Variants in SH3RF3 observed in about 807,000 individuals in gnomAD.
The protein encoded by SH3RF3 is SH3 domain containing ring finger 3.
Under a neutral mutation model 66.3 loss-of-function variants are expected in SH3RF3, and 29 were observed. That is an observed-to-expected ratio of 0.44 (90% CI 0.33 to 0.60). The LOEUF is 0.60. Among genes scored for constraint, SH3RF3 ranks in the 20% least tolerant of loss-of-function variants. The probability of loss-of-function intolerance (pLI) is 0.04; values close to 1 mark genes in which losing one functional copy is unlikely to be tolerated. For missense variants in SH3RF3, 1,194 were observed against 1,190.9 expected, an observed-to-expected ratio of 1.00 and a Z score of -0.04; for synonymous variants, 583 against 532.0, an observed-to-expected ratio of 1.10 and a Z score of -1.32.
At chr2:109,499,771 A>T (rs907970041) in intron 9 of SH3RF3, among the ~76,000 whole-genome samples, 2 of 151,788 alleles carry the variant, frequency 1.3e-5, no homozygotes, top group African/African-American at 4.8e-5. Context: ...GTGTGTGTGT[A>T]TGTGTGTGTG....
intron 7 of SH3RF3, among the ~76,000 whole-genome samples, chr2:109,444,021 A>AG (rs1337089170): frequency 6.6e-6 from 1 of 152,226 alleles, no homozygotes; most frequent in Non-Finnish European, 1.5e-5. Context: ...GCACATTTAA[A>AG]GGGATTCAAG....
At chr2:109,248,222 A>G (rs1679967592) in intron 1 of SH3RF3, among the ~76,000 whole-genome samples, 2 of 152,236 alleles carry the variant, frequency 1.3e-5, no homozygotes. Context: ...ATTCAGATGA[A>G]TAGGAGTTCT....
chr2:109,172,565 G>A (rs577340238), intron 1 of SH3RF3, among the ~76,000 whole-genome samples: 3 of 152,286 alleles, frequency 2.0e-5, no homozygotes, highest in Non-Finnish European at 4.4e-5. Flanking sequence ...ATTCCAAACA[G>A]TGTGGATTAT....
chr2:109,268,672 C>T (rs1183144800), intron 1 of SH3RF3, among the ~76,000 whole-genome samples: 9 of 152,198 alleles, frequency 5.9e-5, no homozygotes, highest in African/African-American at 2.2e-4. Flanking sequence ...TGAGTTCCTA[C>T]ACAATCACTC....
At position 109,357,562 on chromosome 2, in the gene SH3RF3, C is replaced by T. The variant is rs114979143; in HGVS notation, c.849+9613C>T. Among the ~76,000 whole-genome samples the T allele has an allele frequency of 4.9e-3, 748 of 152,318 alleles. 5 individuals are homozygous for T. Among genetic ancestry groups the T allele is most frequent in the African/African-American group, 0.017 (687 of 41,560 alleles). ...CTGACAGTTACCAGCCCGCCCTTCC[C>T]GCATGTCTACTAACACTACAGATGA... On this transcript the variant is annotated intron_variant, in intron 2 of 9. Coordinates refer to ENST00000309415, the MANE Select transcript of SH3RF3 (RefSeq NM_001099289.3).
chr2:109,432,375 C>T, intron 5 of SH3RF3, 126 bp from the exon 6 acceptor site: 1 of 1,207,262 alleles, frequency 8.3e-7, no homozygotes, highest in African/African-American at 1.5e-5. Flanking sequence ...CTGCAGAGCC[C>T]CCATAGACTC....
At chr2:109,499,754 C>A (rs920803986) in intron 9 of SH3RF3, among the ~76,000 whole-genome samples, 2 of 152,166 alleles carry the variant, frequency 1.3e-5, no homozygotes, top group Non-Finnish European at 2.9e-5. Context: ...GATAGCAGAG[C>A]AGGGGGGTGT....
chr2:109,422,425 C>T (rs979144571), intron 5 of SH3RF3, among the ~76,000 whole-genome samples: 6 of 152,194 alleles, frequency 3.9e-5, no homozygotes, highest in African/African-American at 9.7e-5. Flanking sequence ...GTCAGTGTGT[C>T]GATGGCTGGA....
intron 1 of SH3RF3, among the ~76,000 whole-genome samples, chr2:109,342,722 T>C (rs1341093220): frequency 6.6e-6 from 1 of 152,218 alleles, no homozygotes; most frequent in Non-Finnish European, 1.5e-5. Context: ...TAGAGCCTGC[T>C]GCCACATGCC....
chr2:109,437,225 C>A (rs979273007), intron 7 of SH3RF3, 79 bp downstream of exon 7: 4 of 1,503,658 alleles, frequency 2.7e-6, no homozygotes, highest in Non-Finnish European at 3.6e-6. Flanking sequence ...ACATCTTGGC[C>A]CAAGGCTCCA....
At chr2:109,216,469 G>T (rs1383001000) in intron 1 of SH3RF3, among the ~76,000 whole-genome samples, 1 of 152,212 alleles carries the variant, frequency 6.6e-6, no homozygotes, top group African/African-American at 2.4e-5. Flanking sequence ...GCGGTGCAGG[G>T]CTTATCCATG....
intron 8 of SH3RF3, among the ~76,000 whole-genome samples, chr2:109,459,848 A>G (rs540985358): frequency 1.3e-5 from 2 of 152,214 alleles, no homozygotes; most frequent in Non-Finnish European, 2.9e-5. Context: ...ACTAGGGGTC[A>G]TAATAAGTGG....
chr2:109,442,292 C>T (rs890869766), intron 7 of SH3RF3, among the ~76,000 whole-genome samples: 12 of 141,348 alleles, frequency 8.5e-5, no homozygotes, highest in East Asian at 2.0e-4. Context: ...GCCTGGGCAA[C>T]GGAGTGAGAC....
intron 8 of SH3RF3, among the ~76,000 whole-genome samples, chr2:109,479,758 A>G (rs891360758): frequency 4.6e-5 from 7 of 152,218 alleles, no homozygotes; most frequent in South Asian, 2.1e-4. Flanking sequence ...CTAAAAGCCA[A>G]TTATCCACAC....
intron 2 of SH3RF3, among the ~76,000 whole-genome samples, chr2:109,364,189 T>A (rs1683111879): frequency 6.6e-6 from 1 of 151,984 alleles, no homozygotes; most frequent in Non-Finnish European, 1.5e-5. Flanking sequence ...TTTTTTTCTG[T>A]TTGCTTTTCC....
chr2:109,336,178 A>C (rs926373075), intron 1 of SH3RF3, among the ~76,000 whole-genome samples: 8 of 152,232 alleles, frequency 5.3e-5, no homozygotes, highest in Non-Finnish European at 8.8e-5. Context: ...TGGGAAGTTC[A>C]AAAATCACCA....
intron 8 of SH3RF3, among the ~76,000 whole-genome samples, chr2:109,461,278 C>T (rs1437724886): frequency 6.6e-6 from 1 of 152,218 alleles, no homozygotes; most frequent in Non-Finnish European, 1.5e-5. Context: ...CATGGTCAAG[C>T]ATTTAGTCTC....
chr2:109,439,134 G>C (rs6542827), intron 7 of SH3RF3, among the ~76,000 whole-genome samples: 102,378 of 152,072 alleles, frequency 0.67, 34,848 homozygotes, highest in African/African-American at 0.74. Flanking sequence ...TAACAAGCAG[G>C]ATCAAAAGAA....
chr2:109,356,956 C>T (rs1682957991), intron 2 of SH3RF3, among the ~76,000 whole-genome samples: 1 of 152,170 alleles, frequency 6.6e-6, no homozygotes, highest in African/African-American at 2.4e-5. Flanking sequence ...CGTGATGGTC[C>T]ACTTCTGCAG....
Sources: allele counts gnomAD v4.1 joint callset (sites outside exome capture counted in the v4.1 genomes callset), GRCh38; gene constraint gnomAD v4.1.1; transcripts MANE v1.5; gene names NCBI Gene and HGNC (gene_info 2026-07-23, HGNC 2026-07-21).